SELENOO: variants seen among roughly 807,000 people sequenced by gnomAD.
SELENOO encodes the protein selenoprotein O.
A neutral mutation model predicts 58.7 loss-of-function variants in SELENOO; 74 were observed. The ratio of observed to expected loss-of-function variants is 1.26; its 90% confidence interval spans 1.04 to 1.53. The LOEUF is 1.53. SELENOO is among the 40% of genes most tolerant of loss of function. The probability of loss-of-function intolerance (pLI) is 0.00; values close to 1 mark genes in which losing one functional copy is unlikely to be tolerated. For missense variants in SELENOO, 1,149 were observed against 970.0 expected, an observed-to-expected ratio of 1.18 and a Z score of -2.45; for synonymous variants, 543 against 453.2, an observed-to-expected ratio of 1.20 and a Z score of -2.52.
In SELENOO at chr22:50,217,357, A is replaced by G. The variant is rs759685242; in HGVS notation, c.1998A>G (p.Thr666=). 8.1e-6 allele frequency: 13 copies of G among 1,612,680 alleles called. No individual in the cohort carries two copies. Among genetic ancestry groups the G allele is most frequent in the Non-Finnish European group, 1.1e-5 (13 of 1,179,866 alleles). The change falls in exon 9 of 9, where the codon ACA becomes ACG. Residue 666 remains threonine, a synonymous_variant. Transcript: ENST00000380903. The stretch of plus-strand genomic sequence containing the variant: ...TCTGGGCAGCAGAACTGTGCGTGAC[A>G]TGATCTTCGTAACGGCCTCGGCACG... ...PPLWAAELCV[T]USS
chr22:50,209,191 T>TGCC (rs1049679434), intron 3 of SELENOO: 2 of 154,094 alleles, frequency 1.3e-5, no homozygotes, highest in Non-Finnish European at 2.9e-5. Context: ...CAGCACACGG[T>TGCC]GGGGGAACCC....
chr22:50,206,595 G>C, intron 2 of SELENOO, 75 bp downstream of exon 2: 1 of 1,357,568 alleles, frequency 7.4e-7, no homozygotes, highest in African/African-American at 1.4e-5. Context: ...TGTGCTGCTA[G>C]GATTCTGGTA....
chr22:50,217,099 G>A lies in SELENOO; in HGVS notation c.1816G>A (p.Glu606Lys), dbSNP rs199789705. ...LRNYIAQNAI[E>K]AAERGDFSEV... ...GAACTACATCGCGCAGAATGCCATC[G>A]AGGCTGCCGAGCGCGGGGACTTCTC... The change falls in exon 8 of 9, where the codon GAG becomes AAG. Residue 606 changes from glutamate to lysine, a missense_variant. Transcript: ENST00000380903. 2.3e-3 allele frequency: 3,646 copies of A among 1,612,966 alleles called. 43 individuals are homozygous for A. Among genetic ancestry groups the A allele is most frequent in the South Asian group, 0.021 (1,905 of 91,088 alleles).
rs1431518343 is a variant in SELENOO at position 50,215,717 on chromosome 22, G to A, written c.1352G>A (p.Gly451Asp). Residue 451 changes from glycine (G) to aspartate (D), a missense_variant and splice_region_variant, in exon 6 of 9, where the codon GGT (glycine) becomes GAT (aspartate). Coordinates refer to ENST00000380903, the MANE Select transcript of SELENOO (RefSeq NM_031454.2). ...SKLLETMHLT[G>D]ADFTNTFYLL... ...GCTCCCTGAGCAGCCTGTGTTCCAG[G>A]TGCCGACTTCACAAACACCTTCTAC... is the stretch of plus-strand genomic sequence containing the variant. 1.9e-6 allele frequency: 3 copies of A among 1,589,366 alleles called. No homozygotes were observed. Among genetic ancestry groups the A allele is most frequent in the Non-Finnish European group, 1.7e-6 (2 of 1,162,394 alleles).
At chr22:50,206,656 C>T (rs2064335075) in intron 2 of SELENOO, 136 bp downstream of exon 2, 2 of 767,282 alleles carry the variant, frequency 2.6e-6, no homozygotes, top group African/African-American at 1.8e-5. Context: ...CCAGCCTGTC[C>T]CTGGCAGCCT....
Position 50,201,372 on chromosome 22 carries a change from C to A in SELENOO, c.336C>A (p.Pro112=). The A allele has an allele frequency of 1.6e-6, 2 of 1,215,558 alleles. No homozygotes were observed. Among genetic ancestry groups the A allele is most frequent in the South Asian group, 3.4e-5 (1 of 29,372 alleles). The allele number at this position is 1,215,558 out of a possible 1,614,324, so 75.3% of individuals were successfully genotyped here. The change falls in exon 1 of 9, where the codon CCC becomes CCA. Residue 112 remains proline, a synonymous_variant. Coordinates refer to ENST00000380903, the MANE Select transcript of SELENOO (RefSeq NM_031454.2). ...CGTTGCTGGGCCTGGGCGCGCCGCCCGCGCGCGAGGCCGAGGCCGAGGCCG... is the reference window on the plus strand; with the variant it reads ...CGTTGCTGGGCCTGGGCGCGCCGCCAGCGCGCGAGGCCGAGGCCGAGGCCG... ...ALALLGLGAP[P]AREAEAEAAL... is the part of the protein sequence containing the mutation.
intron 4 of SELENOO, 104 bp downstream of exon 4, chr22:50,210,415 G>A (rs1302234176): frequency 1.4e-6 from 2 of 1,460,584 alleles, no homozygotes; most frequent in African/African-American, 1.4e-5. Context: ...GCTTGAGGGG[G>A]AGCCGAGGGG....
At position 50,215,259 on chromosome 22, in the gene SELENOO, C is replaced by T. The variant is rs139158744; in HGVS notation, c.1352-458C>T. Among the ~76,000 whole-genome samples, 85 of 152,250 alleles carry T rather than the reference C, an allele frequency of 5.6e-4. 1 individual carries two copies. Among genetic ancestry groups the T allele is most frequent in the South Asian group, 4.6e-3 (22 of 4,818 alleles). On this transcript the variant is annotated intron_variant, in intron 5 of 8. Transcript: ENST00000380903. ...GTTGTGACTGTGAGGATGTGAGGGC[C>T]GGGCAGCAGCCTCTGCCTTCTCAGT...
At chr22:50,211,597 C>A (rs992284848) in intron 5 of SELENOO, among the ~76,000 whole-genome samples, 1 of 152,194 alleles carries the variant, frequency 6.6e-6, no homozygotes, top group African/African-American at 2.4e-5. Context: ...TTATCAAATG[C>A]TTTTTCCTGC....
Position 50,201,063 on chromosome 22 carries a change from G to C in SELENOO, c.27G>C (p.Gly9=). The C allele has an allele frequency of 1.5e-6, 2 of 1,358,316 alleles. No homozygotes were observed. Among genetic ancestry groups the C allele is most frequent in the Non-Finnish European group, 1.9e-6 (2 of 1,055,790 alleles). The allele number at this position is 1,358,316 out of a possible 1,614,324, so 84.1% of individuals were successfully genotyped here. MAVYRAAL[G]ASLAAARLLP... ...TGGCCGTATACAGGGCAGCGCTCGG[G>C]GCTTCGCTCGCGGCTGCCCGACTCT... The change falls in exon 1 of 9, where the codon GGG becomes GGC. Residue 9 remains glycine, a synonymous_variant. Coordinates refer to ENST00000380903, the MANE Select transcript of SELENOO (RefSeq NM_031454.2).
intron 5 of SELENOO, among the ~76,000 whole-genome samples, chr22:50,213,668 G>A (rs1006565174): frequency 6.6e-6 from 1 of 152,090 alleles, no homozygotes; most frequent in Admixed American, 6.5e-5. Context: ...TGTTTTTTGA[G>A]ACGGAGTCTT....
At chr22:50,205,237 A>G (rs1422377426) in intron 1 of SELENOO, among the ~76,000 whole-genome samples, 1 of 149,592 alleles carries the variant, frequency 6.7e-6, no homozygotes, top group Non-Finnish European at 1.5e-5. Context: ...GATGGGGGTG[A>G]TGGTTGTGCA....
rs1255847532 is a variant in SELENOO, at chr22:50,215,770, G to A, written c.1405G>A (p.Glu469Lys). 22 of 1,611,906 alleles carry A rather than the reference G, an allele frequency of 1.4e-5. No homozygotes were observed. Among genetic ancestry groups the A allele is most frequent in the Non-Finnish European group, 1.8e-5 (21 of 1,178,848 alleles). ...GCTGAGCTCCTTCCCAGTGGAGCTA[G>A]AGTCGCCAGGCCTGGCGGAATTCCT... ...YLLSSFPVEL[E>K]SPGLAEFLAR... The change falls in exon 6 of 9, where the codon GAG (glutamate) becomes AAG (lysine). Residue 469 changes from glutamate to lysine, a missense_variant. Glu to Lys is a moderately conservative substitution (Grantham distance 56). Coordinates refer to ENST00000380903, the MANE Select transcript of SELENOO (RefSeq NM_031454.2).
intron 1 of SELENOO, 79 bp downstream of exon 1, chr22:50,201,669 G>A (rs1569099033): frequency 2.8e-6 from 3 of 1,082,918 alleles, no homozygotes; most frequent in East Asian, 3.5e-5. Flanking sequence ...GCGGTGTTGG[G>A]GGCGTCCGGC....
At chr22:50,205,933 G>A (rs565975880) in intron 1 of SELENOO, 4 of 251,750 alleles carry the variant, frequency 1.6e-5, no homozygotes, top group Non-Finnish European at 2.3e-5. Context: ...CAGCTGGCCC[G>A]TACCGGGGCA....
chr22:50,215,586 CGGT>C, intron 5 of SELENOO, 128 bp from the exon 6 acceptor site: 3 of 581,188 alleles, frequency 5.2e-6, no homozygotes, highest in Non-Finnish European at 5.4e-6. Flanking sequence ...CGGTGGGGGG[CGGT>C]GGTGGAGCAT....
In SELENOO at chr22:50,217,332, T is replaced by G; in HGVS notation, c.1973T>G (p.Leu658Arg). The stretch of plus-strand genomic sequence containing the variant: ...CGCTCCTACAGCAGTAAGCCCCCGC[T>G]CTGGGCAGCAGAACTGTGCGTGACA... ...RQRSYSSKPPLWAAELCVTUS... is the reference protein window; with the variant it reads ...RQRSYSSKPPRWAAELCVTUS... Residue 658 changes from leucine (L) to arginine (R), a missense_variant, in exon 9 of 9, where the codon CTC becomes CGC. By Grantham distance (102) the Leu-to-Arg change is moderately radical (BLOSUM62 -2). Coordinates refer to ENST00000380903, the MANE Select transcript of SELENOO (RefSeq NM_031454.2). The G allele has an allele frequency of 1.9e-6, 3 of 1,612,844 alleles. No individual in the cohort carries two copies. The highest frequency in any genetic ancestry group is 2.5e-6 in the Non-Finnish European group (3 of 1,179,912).
chr22:50,214,232 C>T (rs13054255), intron 5 of SELENOO, among the ~76,000 whole-genome samples: 1 of 152,176 alleles, frequency 6.6e-6, no homozygotes, highest in Admixed American at 6.5e-5. Context: ...GCCTCCACTT[C>T]TTGTGCTCTA....
Position 50,216,972 on chromosome 22 carries a change from A to G in SELENOO, c.1689A>G (p.Arg563=). 1 of 1,607,786 alleles carries G rather than the reference A, an allele frequency of 6.2e-7. No individual in the cohort carries two copies. The highest frequency in any genetic ancestry group is 8.5e-7 in the Non-Finnish European group (1 of 1,177,650). ...GHWADWLQAY[R]ARLDKDLEGA... ...CTCCAGAGCCCGGATGTCATTCCAGAGCCCGGCTGGACAAGGACCTGGAAG... is the reference window on the plus strand; with the variant it reads ...CTCCAGAGCCCGGATGTCATTCCAGGGCCCGGCTGGACAAGGACCTGGAAG... Residue 563 remains arginine (R), a splice_region_variant and synonymous_variant, in exon 8 of 9, where the codon AGA becomes AGG. Transcript: ENST00000380903.
Sources: gnomAD v4.1 joint callset for allele counts (sites outside exome capture counted in the v4.1 genomes callset) on GRCh38, gnomAD v4.1.1 for gene constraint, MANE v1.5 for transcripts, NCBI Gene and HGNC (gene_info 2026-07-23, HGNC 2026-07-21) for gene names.